Variants in ATP8A2 observed in about 807,000 individuals in gnomAD.
The protein encoded by ATP8A2 is ATPase phospholipid transporting 8A2.
ATP8A2 carries 100 observed loss-of-function variants against 165.6 expected under a neutral mutation model. That is an observed-to-expected ratio of 0.60 (90% confidence interval 0.51 to 0.71). The LOEUF is 0.71. Among genes scored for constraint, ATP8A2 ranks in the 30% least tolerant of loss-of-function variants. The pLI, the probability that ATP8A2 is intolerant of heterozygous loss-of-function variation, is 0.00. For synonymous variants in ATP8A2, 543 were observed against 548.8 expected, an observed-to-expected ratio of 0.99 and a Z score of 0.15; for missense variants, 1,227 against 1,479.5, an observed-to-expected ratio of 0.83 and a Z score of 2.80.
chr13:25,418,667 G>A (rs901600558), intron 1 of ATP8A2, among the ~76,000 whole-genome samples: 5 of 152,128 alleles, frequency 3.3e-5, no homozygotes, highest in Non-Finnish European at 4.4e-5. Context: ...GAGCTGAGCT[G>A]CCACCTGACA....
intron 2 of ATP8A2, among the ~76,000 whole-genome samples, chr13:25,477,410 A>G (rs2036025269): frequency 6.6e-6 from 1 of 152,206 alleles, no homozygotes; most frequent in Admixed American, 6.5e-5. Flanking sequence ...GAAGAGACCC[A>G]AGACGTGACA....
chr13:25,606,513 T>C (rs1477186258), intron 24 of ATP8A2, among the ~76,000 whole-genome samples: 1 of 152,196 alleles, frequency 6.6e-6, no homozygotes, highest in African/African-American at 2.4e-5. Flanking sequence ...AAATTGCCAG[T>C]CTCCTTCATC....
At chr13:25,456,694 C>T (rs1457647536) in intron 1 of ATP8A2, among the ~76,000 whole-genome samples, 2 of 152,204 alleles carry the variant, frequency 1.3e-5, no homozygotes, top group African/African-American at 4.8e-5. Flanking sequence ...GTTATTTCCA[C>T]ATTGGTCTGT....
At chr13:25,634,500 A>C (rs983922265) in intron 24 of ATP8A2, among the ~76,000 whole-genome samples, 2 of 152,156 alleles carry the variant, frequency 1.3e-5, no homozygotes, top group East Asian at 3.9e-4. Flanking sequence ...AAGCTATAAA[A>C]AATTTTTAAG....
At chr13:25,580,063 T>G (rs557984646) in intron 22 of ATP8A2, 116 bp downstream of exon 22, 1 of 1,185,564 alleles carries the variant, frequency 8.4e-7, no homozygotes, top group Admixed American at 2.3e-5. Context: ...TCTTGTGTCT[T>G]AATGAACCGT....
chr13:25,821,874 C>T (rs1951190397), intron 27 of ATP8A2, among the ~76,000 whole-genome samples: 1 of 152,142 alleles, frequency 6.6e-6, no homozygotes, highest in South Asian at 2.1e-4. Context: ...GGCAAAATCA[C>T]CCCTAGCTGA....
chr13:25,899,759 G>A (rs1275499086), intron 33 of ATP8A2, among the ~76,000 whole-genome samples: 1 of 152,218 alleles, frequency 6.6e-6, no homozygotes, highest in Admixed American at 6.5e-5. Flanking sequence ...GGAGGTCTTT[G>A]TAAAGGACAG....
At chr13:25,792,562 C>T (rs539665321) in intron 27 of ATP8A2, among the ~76,000 whole-genome samples, 1 of 152,122 alleles carries the variant, frequency 6.6e-6, no homozygotes. Flanking sequence ...ATGAAATGAA[C>T]AAAAAATGTA....
chr13:25,900,935 T>C (rs1356288275), intron 33 of ATP8A2, among the ~76,000 whole-genome samples: 1 of 152,224 alleles, frequency 6.6e-6, no homozygotes, highest in Admixed American at 6.5e-5. Context: ...GGAACACCCC[T>C]GAGCATCTTC....
intron 24 of ATP8A2, among the ~76,000 whole-genome samples, chr13:25,626,479 A>G (rs1200835200): frequency 6.6e-6 from 1 of 152,122 alleles, no homozygotes; most frequent in Admixed American, 6.6e-5. Flanking sequence ...TTACCTCCTG[A>G]AGCCTCCATG....
At chr13:25,476,382 G>A (rs966691288) in intron 2 of ATP8A2, among the ~76,000 whole-genome samples, 5 of 151,982 alleles carry the variant, frequency 3.3e-5, no homozygotes, top group African/African-American at 1.2e-4. Context: ...TGCCTCCTGG[G>A]TTCAAGCGAT....
At chr13:25,580,746 C>G (rs1300148794) in intron 22 of ATP8A2, among the ~76,000 whole-genome samples, 2 of 152,272 alleles carry the variant, frequency 1.3e-5, no homozygotes, top group Non-Finnish European at 2.9e-5. Context: ...GTTTCCCAGG[C>G]TGGTCTCAAA....
chr13:25,662,131 A>G (rs1244647512), intron 24 of ATP8A2, among the ~76,000 whole-genome samples: 1 of 152,224 alleles, frequency 6.6e-6, no homozygotes, highest in Non-Finnish European at 1.5e-5. Flanking sequence ...TAATAATAAC[A>G]TCTACCTCAT....
intron 15 of ATP8A2, 25 bp from the exon 16 acceptor site, chr13:25,563,931 A>C: frequency 6.4e-7 from 1 of 1,567,156 alleles, no homozygotes; most frequent in Non-Finnish European, 8.8e-7. Flanking sequence ...TAAATTGAAT[A>C]AATTTTCTCT....
At chr13:25,477,928 ACT>A (rs1566165944) in intron 2 of ATP8A2, among the ~76,000 whole-genome samples, 2 of 152,128 alleles carry the variant, frequency 1.3e-5, no homozygotes, top group Admixed American at 6.5e-5. Flanking sequence ...CGAGAGTGAA[ACT>A]CTGTCTCAAA....
At chr13:25,645,555 TA>T (rs1234642520) in intron 24 of ATP8A2, among the ~76,000 whole-genome samples, 1 of 152,226 alleles carries the variant, frequency 6.6e-6, no homozygotes, top group Admixed American at 6.5e-5. Context: ...TTTATTGCTG[TA>T]AAAACTTTCC....
intron 13 of ATP8A2, among the ~76,000 whole-genome samples, chr13:25,557,907 ATT>A (rs199523484): frequency 1.4e-5 from 2 of 146,516 alleles, no homozygotes; most frequent in African/African-American, 5.0e-5. Flanking sequence ...TTCATTAAAA[ATT>A]TTTTTTTTTT....
intron 24 of ATP8A2, among the ~76,000 whole-genome samples, chr13:25,683,962 A>G (rs545215259): frequency 5.3e-5 from 8 of 152,340 alleles, no homozygotes; most frequent in African/African-American, 1.7e-4. Flanking sequence ...AAAGAGAATC[A>G]AATAGTAAAG....
In ATP8A2 at chr13:26,024,971, C is replaced by T. The variant is rs907923805; in HGVS notation, c.*4986C>T. 3.3e-5 allele frequency: 5 copies of T among 151,816 alleles called. No individual in the cohort carries two copies. Among genetic ancestry groups the T allele is most frequent in the African/African-American group, 9.7e-5 (4 of 41,302 alleles). The allele number at this position is 151,816 out of a possible 1,614,324, so 9.4% of individuals were successfully genotyped here. On this transcript the variant is annotated 3_prime_UTR_variant, in exon 37 of 37. Transcript: ENST00000381655. Reference sequence around the variant, plus strand: ...AGAGCCTTTTATAGGTAAGCTCTTCCGTGTGAAAGAGAAAAGGCCGGAAAG... The same window carrying T: ...AGAGCCTTTTATAGGTAAGCTCTTCTGTGTGAAAGAGAAAAGGCCGGAAAG...
Sources: allele counts gnomAD v4.1 joint callset (sites outside exome capture counted in the v4.1 genomes callset), GRCh38; gene constraint gnomAD v4.1.1; transcripts MANE v1.5; gene names NCBI Gene and HGNC (gene_info 2026-07-23, HGNC 2026-07-21).